The following CLMP variants were observed in gnomAD, a reference collection of about 807,000 sequenced individuals.
The protein encoded by CLMP is CXADR like cell adhesion molecule, also known as CXADR-like membrane protein.
In CLMP, 27 loss-of-function variants were observed where a neutral mutation model predicts 45.2. That is an observed-to-expected ratio of 0.60 (90% CI 0.44 to 0.82). The LOEUF (loss-of-function observed/expected upper bound fraction) is 0.82, where lower values mean the gene tolerates loss of function less well. Ranked by LOEUF, CLMP falls within the 40% of genes least tolerant of loss-of-function variation. The pLI is 0.00. For missense variants in CLMP, 403 were observed against 448.4 expected (o/e 0.90, Z 0.91); for synonymous variants, 167 against 171.4 (o/e 0.97, Z 0.20).
intron 1 of CLMP, chr11:123,188,883 AG>A (rs1861867041): frequency 6.6e-6 from 1 of 152,270 alleles, no homozygotes; most frequent in Non-Finnish European, 1.5e-5. Flanking sequence ...TTAGGAAACA[AG>A]TAAGTCAGAG....
intron 1 of CLMP, among the ~76,000 whole-genome samples, chr11:123,104,013 A>G (rs1299299423): frequency 1.3e-5 from 2 of 149,842 alleles, no homozygotes; most frequent in African/African-American, 4.9e-5. Flanking sequence ...TATTTTTAGT[A>G]GAGACGGGAT....
chr11:123,098,991 C>A (rs1201138891), intron 1 of CLMP, among the ~76,000 whole-genome samples: 1 of 152,038 alleles, frequency 6.6e-6, no homozygotes, highest in Non-Finnish European at 1.5e-5. Context: ...CCGCGTCCGG[C>A]CGTGCTGGCT....
intron 1 of CLMP, among the ~76,000 whole-genome samples, chr11:123,105,641 G>A (rs1860533684): frequency 6.6e-6 from 1 of 151,562 alleles, no homozygotes; most frequent in Middle Eastern, 3.5e-3. Flanking sequence ...CGTTTGTCAG[G>A]TTTGTCTCAA....
intron 2 of CLMP, among the ~76,000 whole-genome samples, chr11:123,096,103 C>T (rs1865985191): frequency 6.6e-6 from 1 of 152,172 alleles, no homozygotes; most frequent in African/African-American, 2.4e-5. Context: ...TGGCTCACGC[C>T]TGTAATCCCA....
intron 2 of CLMP, among the ~76,000 whole-genome samples, chr11:123,085,595 T>TAAAAAAAAAAAA (rs35921171): frequency 4.9e-5 from 4 of 82,098 alleles, no homozygotes; most frequent in Non-Finnish European, 9.4e-5. Context: ...GCTACAAAGA[T>TAAAAAAAAAAAA]AAAAAAAAAA....
rs750651117 is a variant in CLMP, at chr11:123,084,641, A to T, written c.259T>A (p.Ser87Thr). The T allele has an allele frequency of 6.8e-6, 11 of 1,614,216 alleles. No individual in the cohort carries two copies. Among genetic ancestry groups the T allele is most frequent in the Non-Finnish European group, 8.5e-6 (10 of 1,180,048 alleles). ...GAGGCATCTCCTGCCAGGAAATTGG[A>T]AGCAAAGGCCACTCGGCCCTTCTGT... is the stretch of plus-strand genomic sequence containing the variant. Reference protein sequence around the residue: ...EEQKGRVAFASNFLAGDASLQ... With the variant: ...EEQKGRVAFATNFLAGDASLQ... Residue 87 changes from serine to threonine, a missense_variant, in exon 3 of 7, where the codon TCC (serine) becomes ACC (threonine). By Grantham distance (58) the Ser-to-Thr change is moderately conservative. Transcript: ENST00000448775.
At chr11:123,087,605 G>A (rs986171951) in intron 2 of CLMP, among the ~76,000 whole-genome samples, 8 of 151,900 alleles carry the variant, frequency 5.3e-5, no homozygotes, top group African/African-American at 9.7e-5. Context: ...GGTGGATCAC[G>A]AGGTCAAGAG....
intron 1 of CLMP, among the ~76,000 whole-genome samples, chr11:123,140,600 T>G (rs1022995475): frequency 1.3e-5 from 2 of 152,026 alleles, no homozygotes; most frequent in African/African-American, 4.8e-5. Flanking sequence ...ACACACAACC[T>G]TTGCCCAAAG....
chr11:123,188,134 G>C (rs985711579), intron 1 of CLMP, among the ~76,000 whole-genome samples: 1 of 152,194 alleles, frequency 6.6e-6, no homozygotes, highest in African/African-American at 2.4e-5. Flanking sequence ...TTAGAAGGTA[G>C]AAAGGGTGCC....
At chr11:123,159,312 G>A (rs965839834) in intron 1 of CLMP, among the ~76,000 whole-genome samples, 1 of 152,244 alleles carries the variant, frequency 6.6e-6, no homozygotes, top group Non-Finnish European at 1.5e-5. Flanking sequence ...GTGGGAGCTT[G>A]CAGGCTACTA....
chr11:123,188,197 C>A (rs1454761358), intron 1 of CLMP, among the ~76,000 whole-genome samples: 1 of 152,256 alleles, frequency 6.6e-6, no homozygotes, highest in South Asian at 2.1e-4. Context: ...CTCTAGCAGG[C>A]GCACCCGCTC....
At chr11:123,074,611 A>G (rs1865713083) in intron 6 of CLMP, 91 bp downstream of exon 6, 4 of 1,315,712 alleles carry the variant, frequency 3.0e-6, no homozygotes, top group Non-Finnish European at 4.3e-6. Flanking sequence ...TTCATGGTTA[A>G]GAGAAAACTG....
At chr11:123,132,507 G>A (rs1237565697) in intron 1 of CLMP, among the ~76,000 whole-genome samples, 4 of 152,034 alleles carry the variant, frequency 2.6e-5, no homozygotes, top group Non-Finnish European at 5.9e-5. Context: ...TGCTCAGGCT[G>A]GAGTGCAGTG....
intron 1 of CLMP, among the ~76,000 whole-genome samples, chr11:123,127,215 G>A (rs573630965): frequency 1.3e-5 from 2 of 152,070 alleles, no homozygotes; most frequent in South Asian, 4.2e-4. Context: ...TGCGCCTCCT[G>A]GATTCAAGTG....
chr11:123,169,400 C>T (rs1220191043), intron 1 of CLMP, among the ~76,000 whole-genome samples: 1 of 152,160 alleles, frequency 6.6e-6, no homozygotes, highest in African/African-American at 2.4e-5. Context: ...TGGAAACCTG[C>T]CCAGGCCTAC....
intron 1 of CLMP, among the ~76,000 whole-genome samples, chr11:123,142,674 C>T (rs748852370): frequency 7.8e-6 from 1 of 127,562 alleles, no homozygotes; most frequent in Non-Finnish European, 1.6e-5. Context: ...GGCCGGACTG[C>T]GGACTGCAGT....
At chr11:123,140,488 T>C (rs1322177441) in intron 1 of CLMP, among the ~76,000 whole-genome samples, 1 of 151,976 alleles carries the variant, frequency 6.6e-6, no homozygotes, top group African/African-American at 2.4e-5. Context: ...GGAGGGAATC[T>C]TCCTCCAGAT....
intron 2 of CLMP, among the ~76,000 whole-genome samples, chr11:123,097,067 G>C (rs1168109494): frequency 6.6e-6 from 1 of 152,088 alleles, no homozygotes; most frequent in Admixed American, 6.6e-5. Flanking sequence ...GCCCAGGCTG[G>C]TCTTGAACTC....
chr11:123,081,638 A>G (rs1865804820), intron 5 of CLMP, among the ~76,000 whole-genome samples: 1 of 152,176 alleles, frequency 6.6e-6, no homozygotes, highest in African/African-American at 2.4e-5. Context: ...TGGGAGGTGA[A>G]GAAGGGTGGA....
Sources: gnomAD v4.1 joint callset for allele counts (sites outside exome capture counted in the v4.1 genomes callset) on GRCh38, gnomAD v4.1.1 for gene constraint, MANE v1.5 for transcripts, NCBI Gene and HGNC (gene_info 2026-07-23, HGNC 2026-07-21) for gene names.